MEGF6: variants seen among roughly 807,000 people sequenced by gnomAD.
MEGF6 encodes the protein multiple epidermal growth factor-like domains protein 6.
In MEGF6, 184 loss-of-function variants were observed where a neutral mutation model predicts 207.1. The observed-to-expected ratio is 0.89, with a 90% CI of 0.79 to 1.00. MEGF6 has a LOEUF of 1.00. MEGF6 is among the 50% of genes least tolerant of loss of function. MEGF6 has a pLI of 0.00. For missense variants in MEGF6, 2,282 were observed against 2,202.9 expected, an observed-to-expected ratio of 1.04 and a Z score of -0.72; for synonymous variants, 1,038 against 910.0, an observed-to-expected ratio of 1.14 and a Z score of -2.53.
chr1:3,617,748 A>G, the MEGF6 span, among the ~76,000 whole-genome samples: 1 of 152,220 alleles, frequency 6.6e-6, no homozygotes, highest in Non-Finnish European at 1.5e-5. Flanking sequence ...CAGGCTGTAA[A>G]TCCTCGGACA....
Position 3,490,508 on chromosome 1 carries a change from G to T in MEGF6, c.*20C>A. 1 of 1,611,928 alleles carries T rather than the reference G, an allele frequency of 6.2e-7. No individual in the cohort carries two copies. The highest frequency in any genetic ancestry group is 1.3e-5 in the African/African-American group (1 of 75,046). On this transcript the variant is annotated 3_prime_UTR_variant, in exon 37 of 37. Coordinates refer to ENST00000356575, the MANE Select transcript of MEGF6 (RefSeq NM_001409.4). ...CCTCTGGCTGGGACTGGAGAGGCGG[G>T]CTCCACGGGACTGCCTCTACTAGTG... is the stretch of plus-strand genomic sequence containing the variant.
chr1:3,519,317 G>T (rs919706427), intron 5 of MEGF6, among the ~76,000 whole-genome samples: 1 of 152,238 alleles, frequency 6.6e-6, no homozygotes, highest in South Asian at 2.1e-4. Flanking sequence ...GGCCTACCAG[G>T]GGCACCGTGT....
Position 3,573,756 on chromosome 1 carries a change from C to T in MEGF6, c.481+6069G>A, listed in dbSNP as rs995264841. On this transcript the variant is annotated intron_variant, in intron 4 of 36. Coordinates refer to ENST00000356575, the MANE Select transcript of MEGF6 (RefSeq NM_001409.4). The surrounding 1 kb of genome is among the most constrained non-coding windows in gnomAD (Gnocchi z 5.1). Reference sequence around the variant, plus strand: ...GGCAGCGGCAGCTCCCAGGCCTGGCCGTGGCTGGTCGCCAAGAGCAGCCCT... The same window carrying T: ...GGCAGCGGCAGCTCCCAGGCCTGGCTGTGGCTGGTCGCCAAGAGCAGCCCT... 6.6e-6 allele frequency among the ~76,000 whole-genome samples: 1 copy of T among 152,206 alleles called. No individual in the cohort carries two copies. The highest frequency in any genetic ancestry group is 6.5e-5 in the Admixed American group (1 of 15,284).
At chr1:3,491,352 G>C (rs1385937911) in intron 35 of MEGF6, among the ~76,000 whole-genome samples, 2 of 152,078 alleles carry the variant, frequency 1.3e-5, no homozygotes, top group Non-Finnish European at 2.9e-5. Flanking sequence ...CCGGCACCCA[G>C]CGCAGGTGCC....
chr1:3,553,699 C>T (rs567017932), intron 4 of MEGF6, among the ~76,000 whole-genome samples: 5 of 152,304 alleles, frequency 3.3e-5, no homozygotes, highest in South Asian at 2.1e-4. Flanking sequence ...GGAGCACTGA[C>T]GAAAACCAGC....
At chr1:3,493,627 C>A (rs908973495) in intron 34 of MEGF6, 144 bp downstream of exon 34, 17 of 1,171,764 alleles carry the variant, frequency 1.5e-5, no homozygotes, top group Admixed American at 2.8e-5. Context: ...TCCAGCCCCC[C>A]CAGGGGGCAC....
intron 4 of MEGF6, among the ~76,000 whole-genome samples, chr1:3,555,578 C>T (rs541273827): frequency 1.7e-4 from 26 of 152,354 alleles, no homozygotes; most frequent in African/African-American, 2.6e-4. Flanking sequence ...CCATCCTCCA[C>T]GACTAGAACC....
intron 4 of MEGF6, chr1:3,531,024 CGCGCCGGGGA>C (rs1642142760): frequency 7.0e-7 from 1 of 1,431,274 alleles, no homozygotes; most frequent in Non-Finnish European, 9.1e-7. Context: ...ACAAAGGGAG[CGCGCCGGGGA>C]GCGCCCTGGC....
At chr1:3,520,614 C>T (rs1185874190) in intron 5 of MEGF6, among the ~76,000 whole-genome samples, 1 of 151,448 alleles carries the variant, frequency 6.6e-6, no homozygotes, top group Non-Finnish European at 1.5e-5. Flanking sequence ...CACCAGGACT[C>T]GGCGGCCAGG....
At chr1:3,503,353 C>G (rs539557516) in intron 17 of MEGF6, among the ~76,000 whole-genome samples, 7 of 151,682 alleles carry the variant, frequency 4.6e-5, no homozygotes, top group Non-Finnish European at 7.4e-5. Flanking sequence ...CCAGACCCAA[C>G]AAGAGGGGAT....
At chr1:3,619,115 T>G in the MEGF6 span, among the ~76,000 whole-genome samples, 3 of 152,218 alleles carry the variant, frequency 2.0e-5, no homozygotes, top group African/African-American at 7.2e-5. Context: ...AATGACTTCA[T>G]GTAGGGCCTG....
rs549005182 is a variant in MEGF6, at chr1:3,556,096, G to T, written c.481+23729C>A. Among the ~76,000 whole-genome samples the T allele has an allele frequency of 6.6e-6, 1 of 152,332 alleles. No individual in the cohort carries two copies. Among genetic ancestry groups the T allele is most frequent in the South Asian group, 2.1e-4 (1 of 4,832 alleles). On this transcript the variant is annotated intron_variant, in intron 4 of 36. Transcript: ENST00000356575. The surrounding 1 kb of genome is among the most constrained non-coding windows in gnomAD (Gnocchi z 4.4). ...GTGGGCTGGGTTCAGAGACCTTGGG[G>T]GTGGGCTCCACCTGTTACAGCAGGA...
At chr1:3,563,646 G>A (rs1366975822) in intron 4 of MEGF6, among the ~76,000 whole-genome samples, 1 of 152,240 alleles carries the variant, frequency 6.6e-6, no homozygotes, top group Non-Finnish European at 1.5e-5. Flanking sequence ...TTTGGCGTCG[G>A]TTCTATGGTT....
chr1:3,509,952 G>A lies in MEGF6; in HGVS notation c.1275C>T (p.His425=). ...AGGAGCCGGCCAGGTTGGTGCAGTG[G>A]TGCTCGCAGCCGCCACGGCTGGAGG... The part of the protein sequence containing the change: ...ECASSRGGCE[H]HCTNLAGSFQ... Residue 425 remains histidine (H), a synonymous_variant, in exon 11 of 37, where the codon CAC becomes CAT. Transcript: ENST00000356575. 1 of 1,581,694 alleles carries A rather than the reference G, an allele frequency of 6.3e-7. No individual in the cohort carries two copies.
At position 3,496,777 on chromosome 1, in the gene MEGF6, G is replaced by A. The variant is rs753699450; in HGVS notation, c.3620C>T (p.Pro1207Leu). 6.0e-5 allele frequency: 93 copies of A among 1,556,544 alleles called. No homozygotes were observed. Among genetic ancestry groups the A allele is most frequent in the Middle Eastern group, 1.7e-4 (1 of 5,990 alleles). The change falls in exon 29 of 37, where the codon CCG becomes CTG. Residue 1207 changes from proline (P) to leucine (L), a missense_variant. Coordinates refer to ENST00000356575, the MANE Select transcript of MEGF6 (RefSeq NM_001409.4). ...ACAGCCTGGCCCATACCGCCCGGGC[G>A]GACATCCTGCAGGGAGAGGGGCTAG... ...YHGPSCQQRC[P>L]PGRYGPGCEQ...
chr1:3,607,738 G>T (rs1488166752), intron 1 of MEGF6, among the ~76,000 whole-genome samples: 1 of 152,230 alleles, frequency 6.6e-6, no homozygotes, highest in South Asian at 2.1e-4. Context: ...CCTCCCATCT[G>T]GGGGCGTGGA....
rs12569078 is a variant in MEGF6 at position 3,595,002 on chromosome 1, C to T, written c.376+336G>A. Among the ~76,000 whole-genome samples the T allele has an allele frequency of 1.2e-3, 184 of 152,174 alleles. 3 individuals carry two copies. The East Asian group carries it at 0.027, about 22-fold the overall frequency. On this transcript the variant is annotated intron_variant, in intron 3 of 36. Transcript: ENST00000356575. ...TGAGCGTGGTGTGGCAGGTAAACCC[C>T]GAACTAGGCTCAGGAGTCCATGAAC...
chr1:3,615,446 G>T (rs528402889), upstream of MEGF6, among the ~76,000 whole-genome samples: 37 of 152,338 alleles, frequency 2.4e-4, no homozygotes, highest in South Asian at 6.4e-3. Context: ...TTGGGTTACA[G>T]CTGCAGCTCA....
At chr1:3,513,577 CTTTTTTTTTTT>C (rs757815891) in intron 7 of MEGF6, among the ~76,000 whole-genome samples, 8 of 56,566 alleles carry the variant, frequency 1.4e-4, no homozygotes, top group South Asian at 1.3e-3. Context: ...CACACCTGGG[CTTTTTTTTTTT>C]TTTTTTTTTT....
Sources: allele counts gnomAD v4.1 joint callset (sites outside exome capture counted in the v4.1 genomes callset), GRCh38; gene constraint gnomAD v4.1.1; non-coding constraint Gnocchi (gnomAD v3.1); transcripts MANE v1.5; gene names NCBI Gene and HGNC (gene_info 2026-07-23, HGNC 2026-07-21).